Variants in SP3 observed in about 807,000 individuals in gnomAD.
SP3 encodes Sp3 transcription factor.
In SP3, 10 loss-of-function variants were observed where a neutral mutation model predicts 70.3. The observed-to-expected ratio is 0.14, with a 90% CI of 0.09 to 0.24. The LOEUF (loss-of-function observed/expected upper bound fraction) is 0.24, where lower values mean the gene tolerates loss of function less well. Among genes scored for constraint, SP3 ranks in the 10% least tolerant of loss-of-function variants. SP3 has a pLI of 1.00. For synonymous variants in SP3, 402 were observed against 333.5 expected, an observed-to-expected ratio of 1.21 and a Z score of -2.24; for missense variants, 825 against 914.6, an observed-to-expected ratio of 0.90 and a Z score of 1.26.
intron 2 of SP3, 26 bp from the exon 3 acceptor site, chr2:173,963,909 A>G: frequency 7.0e-7 from 1 of 1,424,722 alleles, no homozygotes; most frequent in Non-Finnish European, 9.3e-7. Context: ...GGGTTCAGAG[A>G]GGGAGACAGG....
intron 4 of SP3, among the ~76,000 whole-genome samples, chr2:173,937,706 T>TG (rs1690245473): frequency 6.6e-6 from 1 of 152,170 alleles, no homozygotes; most frequent in Admixed American, 6.5e-5. Flanking sequence ...TCTCAAAACC[T>TG]TTTTACTCTA....
At chr2:173,932,403 C>G (rs898673422) in intron 4 of SP3, among the ~76,000 whole-genome samples, 3 of 152,106 alleles carry the variant, frequency 2.0e-5, no homozygotes, top group Non-Finnish European at 4.4e-5. Flanking sequence ...GTTGGCCAGG[C>G]TGCACTTGAA....
At chr2:173,943,086 G>A (rs934368136) in intron 4 of SP3, among the ~76,000 whole-genome samples, 2 of 152,118 alleles carry the variant, frequency 1.3e-5, no homozygotes, top group African/African-American at 4.8e-5. Context: ...AATGGATACT[G>A]AGGAATGACT....
intron 4 of SP3, among the ~76,000 whole-genome samples, chr2:173,921,200 G>A (rs989369261): frequency 1.3e-5 from 2 of 151,704 alleles, no homozygotes; most frequent in African/African-American, 4.8e-5. Context: ...CAATTTTTTT[G>A]CTTTACCTCT....
intron 4 of SP3, among the ~76,000 whole-genome samples, chr2:173,930,186 G>C (rs556128511): frequency 3.6e-4 from 55 of 152,284 alleles, no homozygotes; most frequent in African/African-American, 1.3e-3. Context: ...CAATGGAAGT[G>C]ATGGTCATAA....
In SP3 at chr2:173,924,393, G is replaced by C. The variant is rs569127328; in HGVS notation, c.1640-5608C>G. 1.1e-3 allele frequency among the ~76,000 whole-genome samples: 169 copies of C among 152,258 alleles called. No homozygotes were observed. The Middle Eastern group carries it at 0.017, about 15-fold the overall frequency. On this transcript the variant is annotated intron_variant, in intron 4 of 6. Coordinates refer to ENST00000310015, the MANE Select transcript of SP3 (RefSeq NM_003111.5). Reference sequence around the variant, plus strand: ...AAAAAGATGATGTGACCTGTAATTAGTAAACTGACTAGCGAGATATTCACT... The same window carrying C: ...AAAAAGATGATGTGACCTGTAATTACTAAACTGACTAGCGAGATATTCACT...
intron 4 of SP3, among the ~76,000 whole-genome samples, chr2:173,935,841 A>G (rs183093568): frequency 4.9e-4 from 74 of 150,168 alleles, no homozygotes; most frequent in Non-Finnish European, 8.5e-4. Context: ...CGTGCCAATG[A>G]TATAACTTTA....
At chr2:173,930,977 T>C (rs935627226) in intron 4 of SP3, among the ~76,000 whole-genome samples, 6 of 152,212 alleles carry the variant, frequency 3.9e-5, no homozygotes, top group African/African-American at 1.2e-4. Flanking sequence ...ACAAATTTGA[T>C]TCCAGACAAG....
intron 6 of SP3, among the ~76,000 whole-genome samples, chr2:173,911,359 T>C (rs954538926): frequency 6.6e-6 from 1 of 152,170 alleles, no homozygotes; most frequent in Non-Finnish European, 1.5e-5. Flanking sequence ...TCATCCTCAT[T>C]CACCGCTACA....
chr2:173,948,197 G>C (rs896094724), intron 4 of SP3, among the ~76,000 whole-genome samples: 1 of 152,172 alleles, frequency 6.6e-6, no homozygotes, highest in Non-Finnish European at 1.5e-5. Context: ...TACTTAGCAA[G>C]TATAGGAAGT....
intron 4 of SP3, among the ~76,000 whole-genome samples, chr2:173,947,849 A>G (rs1177317586): frequency 6.6e-6 from 1 of 152,150 alleles, no homozygotes; most frequent in East Asian, 1.9e-4. Flanking sequence ...CCCAAAACTC[A>G]TATATAACTC....
At position 173,907,173 on chromosome 2, in the gene SP3, C is replaced by T. The variant is rs1689351503; in HGVS notation, c.*2768G>A. ...TTCTTAAATTAAAATTTGAGGTATA[C>T]AGATAATCGCGTCCACTAAATGTTA... On this transcript the variant is annotated 3_prime_UTR_variant, in exon 7 of 7. Coordinates refer to ENST00000310015, the MANE Select transcript of SP3 (RefSeq NM_003111.5). The T allele has an allele frequency of 6.6e-6, 1 of 152,092 alleles. No homozygotes were observed. Among genetic ancestry groups the T allele is most frequent in the African/African-American group, 2.4e-5 (1 of 41,434 alleles). 9.4% of individuals were successfully genotyped at this position (152,092 alleles called of 1,614,324 possible).
chr2:173,939,181 C>T (rs191516891), intron 4 of SP3, among the ~76,000 whole-genome samples: 26 of 152,110 alleles, frequency 1.7e-4, no homozygotes, highest in Admixed American at 1.3e-3. Flanking sequence ...ACAGCAAGAG[C>T]GCTGTAAGTT....
chr2:173,957,812 A>T (rs1042640807), intron 3 of SP3, among the ~76,000 whole-genome samples: 1 of 152,172 alleles, frequency 6.6e-6, no homozygotes, highest in Non-Finnish European at 1.5e-5. Flanking sequence ...ACCCAATACA[A>T]ATCTCTAGGC....
chr2:173,958,270 GTT>G (rs5836443), intron 3 of SP3, among the ~76,000 whole-genome samples: 11,172 of 137,846 alleles, frequency 0.081, 466 homozygotes, highest in South Asian at 0.14. Context: ...CACCTAAAGT[GTT>G]TTTTTTTTTT....
At chr2:173,964,212 G>T in intron 2 of SP3, 193 bp downstream of exon 2, 1 of 470,936 alleles carries the variant, frequency 2.1e-6, no homozygotes, top group South Asian at 3.2e-5. Flanking sequence ...GGCGGCAGGC[G>T]GGCGAGGCGG....
intron 5 of SP3, among the ~76,000 whole-genome samples, chr2:173,918,163 A>G (rs1431994954): frequency 3.3e-5 from 5 of 152,122 alleles, no homozygotes; most frequent in Admixed American, 3.3e-4. Context: ...TTTTTTAAAA[A>G]ATTCAATCTA....
At position 173,903,735 on chromosome 2, in the gene SP3, A is replaced by G. The variant is rs1220735877; in HGVS notation, c.*6206T>C. ...ACCAACCACAGATAAAGATACAGCC[A>G]TCTGTTAAGAGGGCGTCCTGAAACT... On this transcript the variant is annotated 3_prime_UTR_variant, in exon 7 of 7. Coordinates refer to ENST00000310015, the MANE Select transcript of SP3 (RefSeq NM_003111.5). Among the ~76,000 whole-genome samples the G allele has an allele frequency of 6.6e-6, 1 of 152,190 alleles. No homozygotes were observed. The highest frequency in any genetic ancestry group is 2.1e-4 in the South Asian group (1 of 4,826).
At chr2:173,945,597 A>C (rs538601897) in intron 4 of SP3, among the ~76,000 whole-genome samples, 3 of 152,374 alleles carry the variant, frequency 2.0e-5, no homozygotes, top group Admixed American at 1.3e-4. Flanking sequence ...ACAAAAAAAC[A>C]CAAATAGCCA....
Sources: gnomAD v4.1 joint callset for allele counts (sites outside exome capture counted in the v4.1 genomes callset) on GRCh38, gnomAD v4.1.1 for gene constraint, MANE v1.5 for transcripts, NCBI Gene and HGNC (gene_info 2026-07-23, HGNC 2026-07-21) for gene names.